VPS53: variants seen among roughly 807,000 people sequenced by gnomAD.
The protein encoded by VPS53 is vacuolar protein sorting-associated protein 53 homolog.
VPS53 carries 70 observed loss-of-function variants against 107.0 expected under a neutral mutation model. That is an observed-to-expected ratio of 0.65 (90% CI 0.54 to 0.80). The LOEUF (loss-of-function observed/expected upper bound fraction) is 0.80, where lower values mean the gene tolerates loss of function less well. VPS53 is among the 30% of genes least tolerant of loss of function. VPS53 has a pLI of 0.00. For synonymous variants in VPS53, 409 were observed against 393.3 expected (o/e 1.04, Z -0.47); for missense variants, 917 against 1,049.4 (o/e 0.87, Z 1.74).
chr17:617,480 C>A (rs1357898541), intron 11 of VPS53, among the ~76,000 whole-genome samples: 1 of 152,260 alleles, frequency 6.6e-6, no homozygotes, highest in Admixed American at 6.5e-5. Flanking sequence ...CAGTTCATTG[C>A]AACCTCTGCC....
intron 5 of VPS53, among the ~76,000 whole-genome samples, chr17:656,461 C>T (rs140588963): frequency 9.1e-4 from 138 of 152,278 alleles, no homozygotes; most frequent in Non-Finnish European, 1.4e-3. Flanking sequence ...ATACGCTTAA[C>T]ATGTAAGTTA....
intron 11 of VPS53, among the ~76,000 whole-genome samples, chr17:621,810 G>T (rs887273396): frequency 6.6e-6 from 1 of 151,928 alleles, no homozygotes; most frequent in Non-Finnish European, 1.5e-5. Flanking sequence ...TTATGTTTCT[G>T]GTCTCTTTTT....
chr17:697,695 T>A (rs190766876), intron 3 of VPS53, among the ~76,000 whole-genome samples: 56 of 152,268 alleles, frequency 3.7e-4, no homozygotes, highest in African/African-American at 1.3e-3. Flanking sequence ...TGCATCGCCT[T>A]GTTGTTAAAA....
intron 12 of VPS53, among the ~76,000 whole-genome samples, chr17:590,861 C>T (rs985237525): frequency 3.3e-5 from 5 of 150,390 alleles, no homozygotes; most frequent in African/African-American, 4.9e-5. Context: ...TGTCTCTGCC[C>T]GGCTTTGGTA....
intron 12 of VPS53, among the ~76,000 whole-genome samples, chr17:593,452 A>T (rs981628171): frequency 3.0e-4 from 45 of 152,280 alleles, no homozygotes; most frequent in Middle Eastern, 3.4e-3. Context: ...GAACTCAAAC[A>T]AATTTACAAG....
chr17:671,843 C>G (rs1971960600), intron 4 of VPS53, among the ~76,000 whole-genome samples: 1 of 152,034 alleles, frequency 6.6e-6, no homozygotes. Context: ...CACCCGCCAC[C>G]ACACCCAGCT....
chr17:661,502 C>T (rs1211593422), intron 5 of VPS53, among the ~76,000 whole-genome samples: 1 of 128,680 alleles, frequency 7.8e-6, no homozygotes, highest in Admixed American at 9.2e-5. Context: ...AGGCTGGCGA[C>T]AGAGCAAGAC....
intron 11 of VPS53, among the ~76,000 whole-genome samples, chr17:608,435 G>A (rs1001034525): frequency 7.2e-5 from 11 of 152,086 alleles, no homozygotes; most frequent in Non-Finnish European, 1.2e-4. Flanking sequence ...AAAAGCCTGC[G>A]TATATGTGTG....
At chr17:556,553 A>G (rs1011065652) in intron 15 of VPS53, among the ~76,000 whole-genome samples, 3 of 152,150 alleles carry the variant, frequency 2.0e-5, no homozygotes, top group African/African-American at 7.2e-5. Context: ...TGTGTTCTCC[A>G]AAGTTTATGG....
At chr17:532,816 A>G in intron 19 of VPS53, 26 bp downstream of exon 19, 1 of 1,612,564 alleles carries the variant, frequency 6.2e-7, no homozygotes, top group Non-Finnish European at 8.5e-7. Context: ...CTGCCAGGCA[A>G]ATGCCTGATA....
chr17:540,035 A>C (rs1910492794), intron 17 of VPS53, among the ~76,000 whole-genome samples: 2 of 151,882 alleles, frequency 1.3e-5, no homozygotes, highest in African/African-American at 4.8e-5. Flanking sequence ...CAAACCCCAC[A>C]ACAAGGTGCT....
At chr17:627,417 C>G in intron 9 of VPS53, 101 bp from the exon 10 acceptor site, 1 of 1,340,422 alleles carries the variant, frequency 7.5e-7, no homozygotes, top group Non-Finnish European at 1.0e-6. Context: ...AGGGAACCAA[C>G]CTCTGTATTT....
In VPS53 at chr17:551,965, A is replaced by T. The variant is rs928067851; in HGVS notation, c.1788-15T>A. On this transcript the variant is annotated splice_polypyrimidine_tract_variant and intron_variant, in intron 16 of 21. Coordinates refer to ENST00000437048, the MANE Select transcript of VPS53 (RefSeq NM_001128159.3). ...TGGAGATGACGCTGCAAATCAAACA[A>T]ATCACTGTGGTCACCCTTTCAAACA... 4.4e-6 allele frequency: 7 copies of T among 1,578,764 alleles called. No homozygotes were observed. The highest frequency in any genetic ancestry group is 1.7e-4 in the Middle Eastern group (1 of 6,032).
At chr17:553,522 C>T (rs1912058051) in intron 15 of VPS53, 60 bp from the exon 16 acceptor site, 4 of 1,204,880 alleles carry the variant, frequency 3.3e-6, no homozygotes, top group Non-Finnish European at 3.6e-6. Context: ...AGTACCATCA[C>T]AATAATAGTT....
chr17:528,468 T>C (rs1909281892), intron 19 of VPS53, among the ~76,000 whole-genome samples: 1 of 152,234 alleles, frequency 6.6e-6, no homozygotes, highest in Non-Finnish European at 1.5e-5. Flanking sequence ...CTTGTATGGA[T>C]AGACCACATT....
Position 631,560 on chromosome 17 carries a change from T to C in VPS53, c.677A>G (p.Gln226Arg). The change falls in exon 8 of 22, where the codon CAG becomes CGG. Residue 226 changes from glutamine to arginine, a missense_variant. Physicochemically the swap from Gln to Arg is conservative, Grantham distance 43 (BLOSUM62 1). Coordinates refer to ENST00000437048, the MANE Select transcript of VPS53 (RefSeq NM_001128159.3). ...LADFEEAFPS[Q>R]GTKRPGGPSN... ...AACGCAAAGCAGTACCTTGGTGCCC[T>C]GGGAAGGAAACGCTTCTTCAAAATC... The C allele has an allele frequency of 6.2e-7, 1 of 1,614,034 alleles. No homozygotes were observed. Among genetic ancestry groups the C allele is most frequent in the Non-Finnish European group, 8.5e-7 (1 of 1,179,978 alleles).
At chr17:549,185 G>A (rs1911578941) in intron 17 of VPS53, among the ~76,000 whole-genome samples, 1 of 152,174 alleles carries the variant, frequency 6.6e-6, no homozygotes, top group Non-Finnish European at 1.5e-5. Flanking sequence ...GATAGAATCA[G>A]AGACAGAAAT....
rs987273193 is a variant in VPS53, at chr17:656,015, T to C, written c.373-62A>G. 17 of 1,361,402 alleles carry C rather than the reference T, an allele frequency of 1.2e-5. No individual in the cohort carries two copies. The African/African-American group carries it at 2.2e-4, about 17-fold the overall frequency. The allele number at this position is 1,361,402 out of a possible 1,614,324, so 84.3% of individuals were successfully genotyped here. A position where few individuals can be genotyped will look rare whatever the true frequency, so the allele number is the denominator to read the frequency against. ...GGTCAAGAAAGATGTAAAACACTTCTGCAAGTAGCTCTGTAAGAAACGAAT... is the reference window on the plus strand; with the variant it reads ...GGTCAAGAAAGATGTAAAACACTTCCGCAAGTAGCTCTGTAAGAAACGAAT... On this transcript the variant is annotated intron_variant, in intron 5 of 21. Coordinates refer to ENST00000437048, the MANE Select transcript of VPS53 (RefSeq NM_001128159.3).
intron 12 of VPS53, among the ~76,000 whole-genome samples, chr17:589,414 C>A (rs1160574841): frequency 6.6e-6 from 1 of 151,608 alleles, no homozygotes; most frequent in Non-Finnish European, 1.5e-5. Context: ...AATTGAATGC[C>A]CTTTTTCTTA....
Sources: gnomAD v4.1 joint callset for allele counts (sites outside exome capture counted in the v4.1 genomes callset) on GRCh38, gnomAD v4.1.1 for gene constraint, MANE v1.5 for transcripts, NCBI Gene and HGNC (gene_info 2026-07-23, HGNC 2026-07-21) for gene names.